The following FAM135B variants were observed in gnomAD, a reference collection of about 807,000 sequenced individuals.
FAM135B encodes the protein protein FAM135B.
A neutral mutation model predicts 127.7 loss-of-function variants in FAM135B; 43 were observed. The ratio of observed to expected loss-of-function variants is 0.34; its 90% CI spans 0.26 to 0.43. The LOEUF is 0.43. Ranked by LOEUF, FAM135B falls within the 20% of genes least tolerant of loss-of-function variation. FAM135B has a pLI of 1.00. For synonymous variants in FAM135B, 670 were observed against 665.1 expected (o/e 1.01, Z -0.11); for missense variants, 1,558 against 1,725.6 (o/e 0.90, Z 1.72).
chr8:138,297,319 C>A (rs1040249207), intron 3 of FAM135B, among the ~76,000 whole-genome samples: 1 of 152,154 alleles, frequency 6.6e-6, no homozygotes, highest in Non-Finnish European at 1.5e-5. Flanking sequence ...CAACATGACC[C>A]CACGAGACAG....
chr8:138,219,473 A>G (rs148624144), intron 7 of FAM135B, among the ~76,000 whole-genome samples: 153 of 152,328 alleles, frequency 1.0e-3, no homozygotes, highest in African/African-American at 3.5e-3. Flanking sequence ...AAATGCCCAG[A>G]ACCCCAGTGA....
chr8:138,364,127 T>A lies in FAM135B; in HGVS notation c.77+3780A>T, dbSNP rs547875146. Among the ~76,000 whole-genome samples the A allele has an allele frequency of 1.6e-4, 24 of 152,332 alleles. No homozygotes were observed. The South Asian group carries it at 3.1e-3, about 20-fold the overall frequency. On this transcript the variant is annotated intron_variant, in intron 2 of 19. Transcript: ENST00000395297. ...CCCACCTTGCACACCAGGCTTGGAT[T>A]GTAGCCATGCCCTCTCCATGGAACA...
At chr8:138,179,333 A>G (rs939126788) in intron 9 of FAM135B, among the ~76,000 whole-genome samples, 1 of 152,198 alleles carries the variant, frequency 6.6e-6, no homozygotes, top group African/African-American at 2.4e-5. Flanking sequence ...CACAGCAGTT[A>G]TAACTTCCAA....
chr8:138,148,279 T>A (rs886404909), intron 14 of FAM135B, among the ~76,000 whole-genome samples: 1 of 152,236 alleles, frequency 6.6e-6, no homozygotes, highest in Non-Finnish European at 1.5e-5. Context: ...TTCCATTCAC[T>A]CCTTCGCTAC....
chr8:138,232,981 A>G (rs528169680), intron 7 of FAM135B, among the ~76,000 whole-genome samples: 1 of 152,218 alleles, frequency 6.6e-6, no homozygotes. Context: ...CTATTATACT[A>G]TCTTTTTCTA....
At chr8:138,322,291 T>C (rs1311598402) in intron 2 of FAM135B, among the ~76,000 whole-genome samples, 1 of 151,940 alleles carries the variant, frequency 6.6e-6, no homozygotes, top group East Asian at 1.9e-4. Flanking sequence ...ACCTGACAAG[T>C]GTGGTGCCTA....
At position 138,242,509 on chromosome 8, in the gene FAM135B, C is replaced by G. The variant is rs918528459; in HGVS notation, c.669+433G>C. On this transcript the variant is annotated intron_variant, in intron 7 of 19. Coordinates refer to ENST00000395297, the MANE Select transcript of FAM135B (RefSeq NM_015912.4). This position sits in a 1 kb window ranked among gnomAD's most constrained non-coding sequence, Gnocchi z 9.6. ...TTACAACATTTGGGTACATATAACACTCCATGAGATTATTAGCTATTGGGG... is the reference window on the plus strand; with the variant it reads ...TTACAACATTTGGGTACATATAACAGTCCATGAGATTATTAGCTATTGGGG... Among the ~76,000 whole-genome samples the G allele has an allele frequency of 6.6e-6, 1 of 152,038 alleles. No homozygotes were observed. Among genetic ancestry groups the G allele is most frequent in the Non-Finnish European group, 1.5e-5 (1 of 68,014 alleles).
Position 138,163,887 on chromosome 8 carries a change from G to A in FAM135B, c.1258+4008C>T, listed in dbSNP as rs527842059. Among the ~76,000 whole-genome samples, 5 of 152,242 alleles carry A rather than the reference G, an allele frequency of 3.3e-5. No individual in the cohort carries two copies. In the South Asian group the frequency reaches 1.0e-3, roughly 32 times the overall value. On this transcript the variant is annotated intron_variant, in intron 12 of 19. Transcript: ENST00000395297. ...CCCAGGCTGGAGTTCAGTGACAGGA[G>A]GCACGGTCACAGCTCACTGTAGCCT...
intron 2 of FAM135B, among the ~76,000 whole-genome samples, chr8:138,331,473 A>T (rs1330265930): frequency 6.6e-6 from 1 of 152,174 alleles, no homozygotes; most frequent in Non-Finnish European, 1.5e-5. Flanking sequence ...ATTATAGATG[A>T]GGAAAGAGGT....
chr8:138,468,285 C>T (rs1181320779), intron 1 of FAM135B, among the ~76,000 whole-genome samples: 1 of 152,122 alleles, frequency 6.6e-6, no homozygotes, highest in African/African-American at 2.4e-5. Flanking sequence ...TTCCTCTAAC[C>T]CTGTTTTATT....
intron 1 of FAM135B, 25 bp from the exon 2 acceptor site, chr8:138,368,027 A>G: frequency 6.5e-7 from 1 of 1,543,950 alleles, no homozygotes. Context: ...AGAAATTAAC[A>G]GTTTGAGATC....
At chr8:138,315,508 G>C (rs1827019632) in intron 2 of FAM135B, among the ~76,000 whole-genome samples, 1 of 152,070 alleles carries the variant, frequency 6.6e-6, no homozygotes, top group Non-Finnish European at 1.5e-5. Context: ...ACCTCATGGA[G>C]AGATCTGCAC....
At chr8:138,306,915 GAC>G (rs372294779) in intron 3 of FAM135B, among the ~76,000 whole-genome samples, 1 of 152,156 alleles carries the variant, frequency 6.6e-6, no homozygotes, top group Non-Finnish European at 1.5e-5. Context: ...GGCCATTGTG[GAC>G]ACAGAGATTA....
chr8:138,492,817 G>A (rs118128284), intron 1 of FAM135B, among the ~76,000 whole-genome samples: 1 of 152,250 alleles, frequency 6.6e-6, no homozygotes, highest in Non-Finnish European at 1.5e-5. Flanking sequence ...TAGGAAATAT[G>A]TCGGAGGCTC....
At chr8:138,296,426 T>G (rs966512713) in intron 3 of FAM135B, among the ~76,000 whole-genome samples, 2 of 152,234 alleles carry the variant, frequency 1.3e-5, no homozygotes, top group Non-Finnish European at 2.9e-5. Context: ...TTGAATTATT[T>G]TTAGGCAATG....
At chr8:138,266,296 C>T (rs768594930) in intron 3 of FAM135B, among the ~76,000 whole-genome samples, 32 of 152,174 alleles carry the variant, frequency 2.1e-4, no homozygotes, top group Non-Finnish European at 4.0e-4. Context: ...GTGCTGCTTG[C>T]ACATCATGCA....
At chr8:138,442,936 C>T (rs1247529200) in intron 1 of FAM135B, among the ~76,000 whole-genome samples, 1 of 152,140 alleles carries the variant, frequency 6.6e-6, no homozygotes, top group Non-Finnish European at 1.5e-5. Context: ...GTCAGGAGAA[C>T]ATCCCTGCAC....
Position 138,141,400 on chromosome 8 carries a change from C to G in FAM135B, c.3639-51G>C, listed in dbSNP as rs1817134417. On this transcript the variant is annotated intron_variant, in intron 16 of 19. Transcript: ENST00000395297. The surrounding 1 kb of genome is among the most constrained non-coding windows in gnomAD (Gnocchi z 4.7). ...ATGAGTGTGACGGTGAATGCTGCTG[C>G]CCAAGAGTGCAGTGCTGGAAGCATC... The G allele has an allele frequency of 1.3e-6, 2 of 1,585,930 alleles. No individual in the cohort carries two copies. Among genetic ancestry groups the G allele is most frequent in the Non-Finnish European group, 1.7e-6 (2 of 1,156,586 alleles).
chr8:138,463,563 G>A (rs1564022856), intron 1 of FAM135B, among the ~76,000 whole-genome samples: 1 of 152,266 alleles, frequency 6.6e-6, no homozygotes, highest in South Asian at 2.1e-4. Flanking sequence ...GCTTGTCTGG[G>A]TGTTTTGAGG....
Sources: gnomAD v4.1 joint callset for allele counts (sites outside exome capture counted in the v4.1 genomes callset) on GRCh38, gnomAD v4.1.1 for gene constraint, Gnocchi (gnomAD v3.1) non-coding constraint, MANE v1.5 for transcripts, NCBI Gene and HGNC (gene_info 2026-07-23, HGNC 2026-07-21) for gene names.